The following RAPGEF4 variants were observed in gnomAD, a reference collection of about 807,000 sequenced individuals.
RAPGEF4 encodes Rap guanine nucleotide exchange factor 4, also known as RAP guanine-nucleotide-exchange factor (GEF) 4.
RAPGEF4 carries 66 observed loss-of-function variants against 147.9 expected under a neutral mutation model. The observed-to-expected ratio is 0.45, with a 90% CI of 0.37 to 0.55. RAPGEF4 has a LOEUF of 0.55. RAPGEF4 is among the 20% of genes least tolerant of loss of function. The pLI is 0.00. For missense variants in RAPGEF4, 1,071 were observed against 1,257.3 expected (o/e 0.85, Z 2.24); for synonymous variants, 419 against 442.7 (o/e 0.95, Z 0.67).
intron 13 of RAPGEF4, 128 bp downstream of exon 13, chr2:172,988,400 T>C (rs985026609): frequency 1.6e-5 from 23 of 1,426,280 alleles, no homozygotes; most frequent in Non-Finnish European, 1.8e-5. Context: ...AAAGACATTA[T>C]TGTATCTTTA....
intron 4 of RAPGEF4, among the ~76,000 whole-genome samples, chr2:172,882,274 A>G (rs1463127503): frequency 5.3e-5 from 8 of 152,068 alleles, no homozygotes; most frequent in Admixed American, 3.3e-4. Flanking sequence ...TTAGACCTCA[A>G]TGGGTATCTG....
chr2:173,023,072 A>G (rs1236942969), intron 23 of RAPGEF4, among the ~76,000 whole-genome samples: 2 of 152,154 alleles, frequency 1.3e-5, no homozygotes, highest in African/African-American at 2.4e-5. Flanking sequence ...GCACCCCCGC[A>G]TGTGACCAGT....
At chr2:172,751,354 C>CA (rs1327867146) in intron 1 of RAPGEF4, among the ~76,000 whole-genome samples, 1 of 152,052 alleles carries the variant, frequency 6.6e-6, no homozygotes, top group Non-Finnish European at 1.5e-5. Context: ...AGTCAGTCTT[C>CA]AAAAAACGAT....
chr2:172,799,320 A>G (rs895285352), intron 3 of RAPGEF4, among the ~76,000 whole-genome samples: 2 of 152,142 alleles, frequency 1.3e-5, no homozygotes, highest in Admixed American at 1.3e-4. Context: ...CGAGTATTGT[A>G]TCTAGAAATT....
At chr2:172,915,040 A>G (rs182924413) in intron 4 of RAPGEF4, among the ~76,000 whole-genome samples, 14 of 152,334 alleles carry the variant, frequency 9.2e-5, no homozygotes, top group African/African-American at 2.9e-4. Flanking sequence ...CCTAATTAAT[A>G]TAGAGCGTTC....
chr2:172,873,166 A>G (rs1312247534), intron 4 of RAPGEF4, among the ~76,000 whole-genome samples: 1 of 152,202 alleles, frequency 6.6e-6, no homozygotes, highest in Non-Finnish European at 1.5e-5. Flanking sequence ...CATTCTCAAT[A>G]CAGCCAGACA....
chr2:173,014,498 G>T lies in RAPGEF4; in HGVS notation c.1693G>T (p.Glu565Ter). The change falls in exon 18 of 31, where the codon GAG (glutamate) becomes TAG (stop). Residue 565 changes from glutamate to a stop codon, truncating the protein, a stop_gained. Transcript: ENST00000397081. LOFTEE classifies it high-confidence loss of function. ...HAQPSQGTEQ[E>*]KMDYALNNKR... Reference sequence around the variant, plus strand: ...ACAGCCTTCACAAGGTACAGAACAGGAGAAAATGGATTATGCCCTCAACAA... The same window carrying T: ...ACAGCCTTCACAAGGTACAGAACAGTAGAAAATGGATTATGCCCTCAACAA... 6.2e-7 allele frequency: 1 copy of T among 1,614,094 alleles called. No homozygotes were observed. The highest frequency in any genetic ancestry group is 8.5e-7 in the Non-Finnish European group (1 of 1,179,972).
intron 1 of RAPGEF4, among the ~76,000 whole-genome samples, chr2:172,754,683 G>T (rs1017827153): frequency 6.6e-5 from 10 of 152,084 alleles, no homozygotes; most frequent in African/African-American, 2.4e-4. Context: ...TGGAATATTA[G>T]TAGATAGGGC....
At chr2:172,875,809 G>A (rs977072633) in intron 4 of RAPGEF4, among the ~76,000 whole-genome samples, 2 of 152,250 alleles carry the variant, frequency 1.3e-5, no homozygotes, top group Middle Eastern at 3.4e-3. Flanking sequence ...GATGGGGATG[G>A]CATTGAATCT....
At chr2:173,007,561 A>G (rs955713920) in intron 17 of RAPGEF4, among the ~76,000 whole-genome samples, 5 of 152,254 alleles carry the variant, frequency 3.3e-5, no homozygotes, top group African/African-American at 1.2e-4. Flanking sequence ...TGAATACTTA[A>G]TATGTTTCAG....
At chr2:172,799,987 A>G (rs966620614) in intron 3 of RAPGEF4, among the ~76,000 whole-genome samples, 5 of 152,192 alleles carry the variant, frequency 3.3e-5, no homozygotes, top group Non-Finnish European at 5.9e-5. Context: ...AATAACCCAT[A>G]ATAGCAGGGT....
At chr2:172,760,310 T>C (rs139303955) in intron 1 of RAPGEF4, among the ~76,000 whole-genome samples, 1,871 of 152,208 alleles carry the variant, frequency 0.012, 23 homozygotes, top group Middle Eastern at 0.027. Flanking sequence ...ACACAGAGCA[T>C]ATGAAAAAAC....
intron 17 of RAPGEF4, among the ~76,000 whole-genome samples, chr2:173,008,641 G>A (rs540047356): frequency 6.6e-6 from 1 of 152,268 alleles, no homozygotes; most frequent in South Asian, 2.1e-4. Context: ...ACTGCAAAAA[G>A]TATACATAAT....
intron 4 of RAPGEF4, among the ~76,000 whole-genome samples, chr2:172,906,214 A>T (rs1699612668): frequency 1.3e-5 from 2 of 152,234 alleles, no homozygotes; most frequent in South Asian, 4.1e-4. Context: ...GAAAGTACAG[A>T]TGACCTGTTC....
intron 14 of RAPGEF4, 122 bp from the exon 15 acceptor site, chr2:172,990,688 C>G (rs1276940096): frequency 8.7e-6 from 6 of 691,952 alleles, no homozygotes; most frequent in Non-Finnish European, 1.3e-5. Context: ...TTGAAAATGA[C>G]TTAATTTGTA....
intron 1 of RAPGEF4, among the ~76,000 whole-genome samples, chr2:172,753,399 C>CT (rs55703709): frequency 0.86 from 125,390 of 145,008 alleles, 56,562 homozygotes; most frequent in Non-Finnish European, 0.99. Flanking sequence ...CCTTGATTTT[C>CT]TTTTTTTTTT....
At chr2:172,783,157 G>T (rs1684838384) in intron 1 of RAPGEF4, among the ~76,000 whole-genome samples, 1 of 152,186 alleles carries the variant, frequency 6.6e-6, no homozygotes, top group Non-Finnish European at 1.5e-5. Context: ...TAATGATGGG[G>T]TTTTTCAACT....
chr2:172,970,249 A>G (rs1690324702), intron 10 of RAPGEF4, among the ~76,000 whole-genome samples: 1 of 151,846 alleles, frequency 6.6e-6, no homozygotes, highest in African/African-American at 2.4e-5. Flanking sequence ...GAAAGAAAAC[A>G]AGCTTAGTTG....
At chr2:172,929,349 TAGATGACATTACATTGAAGAC>T in intron 6 of RAPGEF4, among the ~76,000 whole-genome samples, 1 of 152,280 alleles carries the variant, frequency 6.6e-6, no homozygotes, top group East Asian at 1.9e-4. Flanking sequence ...TCTTTACCTT[TAGATGACATTACATTGAAGAC>T]AGATGACAGA....
Sources: gnomAD v4.1 joint callset for allele counts (sites outside exome capture counted in the v4.1 genomes callset) on GRCh38, gnomAD v4.1.1 for gene constraint, MANE v1.5 for transcripts, NCBI Gene and HGNC (gene_info 2026-07-23, HGNC 2026-07-21) for gene names.